AGBL4: variants seen among roughly 807,000 people sequenced by gnomAD.
AGBL4 encodes AGBL carboxypeptidase 4.
Under a neutral mutation model 66.4 loss-of-function variants are expected in AGBL4, and 58 were observed. The ratio of observed to expected loss-of-function variants is 0.87; its 90% CI spans 0.71 to 1.09. AGBL4 has a LOEUF of 1.09. Ranked by LOEUF, AGBL4 falls within the 50% of genes least tolerant of loss-of-function variation. The pLI is 0.00. For synonymous variants in AGBL4, 234 were observed against 222.9 expected, an observed-to-expected ratio of 1.05 and a Z score of -0.44; for missense variants, 579 against 631.0, an observed-to-expected ratio of 0.92 and a Z score of 0.88.
rs1342092271 is a variant in AGBL4 at position 49,372,673 on chromosome 1, TTCTTTC to T, written c.283-126815_283-126810del. Among the ~76,000 whole-genome samples the T allele has an allele frequency of 9.1e-5, 12 of 131,282 alleles. No homozygotes were observed. The East Asian group carries it at 1.1e-3, about 12-fold the overall frequency. 86.1% of individuals were successfully genotyped at this position (131,282 alleles called of 152,430 possible). ...TTTCTTTCTTTCTTTCTTTCTTTCT[TTCTTTC>T]TCTTTCTTTCTCTTTCTTTCTTTTT... On this transcript the variant is annotated intron_variant, in intron 3 of 13. Transcript: ENST00000371839.
chr1:48,619,267 A>G (rs933426825), intron 9 of AGBL4, among the ~76,000 whole-genome samples: 2 of 152,240 alleles, frequency 1.3e-5, no homozygotes, highest in African/African-American at 4.8e-5. Flanking sequence ...TGACGGAAAC[A>G]AGAGTTTCAT....
At chr1:49,751,956 T>G (rs1027819397) in intron 2 of AGBL4, among the ~76,000 whole-genome samples, 10 of 151,790 alleles carry the variant, frequency 6.6e-5, no homozygotes, top group Non-Finnish European at 1.0e-4. Context: ...TTTATTTGAT[T>G]CTTCTCTCTT....
At chr1:49,526,048 C>G (rs1336376332) in intron 3 of AGBL4, among the ~76,000 whole-genome samples, 1 of 151,656 alleles carries the variant, frequency 6.6e-6, no homozygotes, top group African/African-American at 2.4e-5. Flanking sequence ...GAGCCGAGAT[C>G]GCACCACTGC....
In AGBL4 at chr1:50,009,442, G is replaced by A. The variant is rs549461598; in HGVS notation, c.34+14321C>T. On this transcript the variant is annotated intron_variant, in intron 1 of 13. Transcript: ENST00000371839. Reference sequence around the variant, plus strand: ...TAATCGTTTCAATTGATGCCAAAAAGAATTTGATAAAATTCAACATCCTTT... The same window carrying A: ...TAATCGTTTCAATTGATGCCAAAAAAAATTTGATAAAATTCAACATCCTTT... 3.3e-5 allele frequency among the ~76,000 whole-genome samples: 5 copies of A among 149,860 alleles called. No individual in the cohort carries two copies. The East Asian group carries it at 9.8e-4, about 29-fold the overall frequency.
At chr1:48,740,578 T>TA (rs1331836197) in intron 6 of AGBL4, among the ~76,000 whole-genome samples, 2 of 152,198 alleles carry the variant, frequency 1.3e-5, no homozygotes, top group African/African-American at 4.8e-5. Flanking sequence ...ACCAAAGTGT[T>TA]AGTGTTATGT....
intron 3 of AGBL4, among the ~76,000 whole-genome samples, chr1:49,602,917 A>T (rs2124174915): frequency 6.6e-6 from 1 of 152,178 alleles, no homozygotes; most frequent in Non-Finnish European, 1.5e-5. Context: ...TGAGTACCAA[A>T]CGAGGATCAC....
intron 2 of AGBL4, among the ~76,000 whole-genome samples, chr1:49,723,070 C>T (rs534592969): frequency 3.3e-5 from 5 of 151,946 alleles, no homozygotes; most frequent in Non-Finnish European, 5.9e-5. Flanking sequence ...TTTTCAACAA[C>T]GTGCAGCCAA....
intron 6 of AGBL4, among the ~76,000 whole-genome samples, chr1:48,675,961 G>A (rs1376614431): frequency 6.6e-6 from 1 of 152,156 alleles, no homozygotes; most frequent in East Asian, 1.9e-4. Context: ...TAATTCACAG[G>A]ATATGTTTCC....
chr1:49,878,205 T>C (rs923862178), intron 1 of AGBL4, among the ~76,000 whole-genome samples: 7 of 147,574 alleles, frequency 4.7e-5, no homozygotes, highest in African/African-American at 1.8e-4. Flanking sequence ...CTGCTAGCTT[T>C]TGAATGTGTT....
intron 5 of AGBL4, among the ~76,000 whole-genome samples, chr1:48,974,642 C>T (rs190085920): frequency 2.3e-4 from 35 of 152,110 alleles, no homozygotes; most frequent in African/African-American, 7.7e-4. Flanking sequence ...TATTACTTCC[C>T]CATTTGACTC....
chr1:50,001,026 A>G (rs2148419159), intron 1 of AGBL4, among the ~76,000 whole-genome samples: 1 of 152,028 alleles, frequency 6.6e-6, no homozygotes, highest in East Asian at 1.9e-4. Context: ...AAAATAAAAA[A>G]TTATTTAAAA....
intron 4 of AGBL4, among the ~76,000 whole-genome samples, chr1:49,072,300 T>C (rs1470198230): frequency 6.6e-6 from 1 of 152,202 alleles, no homozygotes; most frequent in African/African-American, 2.4e-5. Context: ...TGTTAGCTGG[T>C]TATTTTGCCC....
intron 2 of AGBL4, among the ~76,000 whole-genome samples, chr1:49,741,369 A>C (rs1405131872): frequency 2.0e-5 from 3 of 152,236 alleles, no homozygotes; most frequent in Non-Finnish European, 4.4e-5. Flanking sequence ...TGAATCTCTG[A>C]ATAGACCAAT....
At chr1:48,883,119 T>G (rs945826980) in intron 5 of AGBL4, among the ~76,000 whole-genome samples, 3 of 152,228 alleles carry the variant, frequency 2.0e-5, no homozygotes, top group African/African-American at 7.2e-5. Flanking sequence ...TCATTTTCTT[T>G]GGGTATACAC....
At chr1:49,079,173 T>C (rs1018481225) in intron 4 of AGBL4, among the ~76,000 whole-genome samples, 7 of 152,190 alleles carry the variant, frequency 4.6e-5, no homozygotes, top group Admixed American at 3.9e-4. Context: ...CAAACATGAA[T>C]ATTAAATGGT....
chr1:49,342,245 T>C (rs1376192877), intron 3 of AGBL4, among the ~76,000 whole-genome samples: 1 of 152,198 alleles, frequency 6.6e-6, no homozygotes. Context: ...TGCAAGGTTT[T>C]AATTGATGAG....
chr1:48,579,796 T>A (rs988921932), intron 11 of AGBL4, among the ~76,000 whole-genome samples: 75 of 148,960 alleles, frequency 5.0e-4, no homozygotes, highest in Non-Finnish European at 8.4e-4. Context: ...CGGGCGCCTG[T>A]AGTCCCAGCT....
chr1:49,967,393 CT>C (rs759230481), intron 1 of AGBL4, among the ~76,000 whole-genome samples: 11 of 152,094 alleles, frequency 7.2e-5, no homozygotes, highest in Middle Eastern at 3.2e-3. Context: ...AACCATCATT[CT>C]CAGCAAACTA....
At chr1:49,129,951 T>G (rs1473055175) in intron 4 of AGBL4, among the ~76,000 whole-genome samples, 3 of 152,222 alleles carry the variant, frequency 2.0e-5, no homozygotes, top group Non-Finnish European at 4.4e-5. Flanking sequence ...GTGTTCCTAT[T>G]TCTCCACATC....
Sources: gnomAD v4.1 joint callset for allele counts (sites outside exome capture counted in the v4.1 genomes callset) on GRCh38, gnomAD v4.1.1 for gene constraint, MANE v1.5 for transcripts, NCBI Gene and HGNC (gene_info 2026-07-23, HGNC 2026-07-21) for gene names.